GNPDA2: variants seen among roughly 807,000 people sequenced by gnomAD.
The protein encoded by GNPDA2 is glcN6P deaminase 2.
A neutral mutation model predicts 27.0 loss-of-function variants in GNPDA2; 24 were observed. The observed-to-expected ratio is 0.89, with a 90% CI of 0.64 to 1.25. The LOEUF (loss-of-function observed/expected upper bound fraction) is 1.25, where lower values mean the gene tolerates loss of function less well. Among genes scored for constraint, GNPDA2 ranks in the 50% most tolerant of loss-of-function variants. GNPDA2 has a pLI of 0.00. For missense variants in GNPDA2, 286 were observed against 335.1 expected (o/e 0.85, Z 1.14); for synonymous variants, 94 against 108.4 (o/e 0.87, Z 0.83).
intron 6 of GNPDA2, chr4:44,706,936 T>C (rs1217868539): frequency 6.6e-6 from 1 of 152,090 alleles, no homozygotes; most frequent in Non-Finnish European, 1.5e-5. Context: ...GACCTATCTA[T>C]ATGATCAACT....
intron 4 of GNPDA2, among the ~76,000 whole-genome samples, chr4:44,712,984 C>T (rs1577587886): frequency 6.6e-6 from 1 of 152,262 alleles, no homozygotes; most frequent in South Asian, 2.1e-4. Context: ...GTAGAATGTA[C>T]ATGCACTCTT....
At chr4:44,710,342 T>G (rs1716894508) in intron 5 of GNPDA2, among the ~76,000 whole-genome samples, 1 of 152,142 alleles carries the variant, frequency 6.6e-6, no homozygotes, top group Non-Finnish European at 1.5e-5. Context: ...TCCATATAAT[T>G]TAACTACATA....
At chr4:44,715,907 A>G (rs1252557172) in intron 4 of GNPDA2, among the ~76,000 whole-genome samples, 1 of 152,022 alleles carries the variant, frequency 6.6e-6, no homozygotes, top group Non-Finnish European at 1.5e-5. Context: ...TAAAAATCCC[A>G]AGGAATTCAG....
rs529850349 is a variant in GNPDA2, at chr4:44,712,818, A to C, written c.410-1681T>G. ...TCAAGGTATTTGCTTGTTGGCTATG[A>C]ATAACTGAGGTTCCTGATATAAAAT... On this transcript the variant is annotated intron_variant, in intron 4 of 6. Coordinates refer to ENST00000295448, the MANE Select transcript of GNPDA2 (RefSeq NM_138335.3). Among the ~76,000 whole-genome samples, 3 of 152,194 alleles carry C rather than the reference A, an allele frequency of 2.0e-5. No homozygotes were observed. The South Asian group carries it at 6.2e-4, about 32-fold the overall frequency.
chr4:44,714,888 G>T (rs1411209660), intron 4 of GNPDA2, among the ~76,000 whole-genome samples: 1 of 152,290 alleles, frequency 6.6e-6, no homozygotes, highest in East Asian at 1.9e-4. Context: ...GATCATCCAT[G>T]ACTACAGTGA....
Position 44,703,028 on chromosome 4 carries a change from T to A in GNPDA2, c.*53A>T. ...ATTGCATAGCTGAAAATTCATCTAC[T>A]ACTTAGTAAAAAGTGCTCTGTTCAT... On this transcript the variant is annotated 3_prime_UTR_variant, in exon 7 of 7. Coordinates refer to ENST00000295448, the MANE Select transcript of GNPDA2 (RefSeq NM_138335.3). 6.2e-7 allele frequency: 1 copy of A among 1,600,320 alleles called. No homozygotes were observed. The highest frequency in any genetic ancestry group is 8.5e-7 in the Non-Finnish European group (1 of 1,176,214).
intron 2 of GNPDA2, among the ~76,000 whole-genome samples, chr4:44,720,831 AC>A (rs1717617567): frequency 6.6e-6 from 1 of 152,042 alleles, no homozygotes; most frequent in African/African-American, 2.4e-5. Context: ...AGATCTAAAT[AC>A]ACAAAAAGAT....
At chr4:44,706,308 C>CTTT (rs35039782) in intron 6 of GNPDA2, 1 of 151,368 alleles carries the variant, frequency 6.6e-6, no homozygotes, top group East Asian at 1.9e-4. Flanking sequence ...TAGAAATAAT[C>CTTT]TAAGTGTTAA....
At position 44,718,373 on chromosome 4, in the gene GNPDA2, T is replaced by C; in HGVS notation, c.162A>G (p.Glu54=). The change falls in exon 3 of 7, where the codon GAA becomes GAG. Residue 54 remains glutamate (E), a synonymous_variant. Transcript: ENST00000295448. ...TPLGCYKKLI[E]YHKNGHLSFK... is the part of the protein sequence containing the mutation. ...AAGAAAGGTGTCCATTCTTATGATA[T>C]TCTATTAGTTTTTTATAGCATCCTA... 7.2e-7 allele frequency: 1 copy of C among 1,380,804 alleles called. No individual in the cohort carries two copies. The highest frequency in any genetic ancestry group is 1.3e-5 in the South Asian group (1 of 74,852). 85.5% of individuals were successfully genotyped at this position (1,380,804 alleles called of 1,614,324 possible). A position where few individuals can be genotyped will look rare whatever the true frequency, so the allele number is the denominator to read the frequency against.
intron 1 of GNPDA2, among the ~76,000 whole-genome samples, chr4:44,723,764 A>G (rs745868278): frequency 6.6e-6 from 1 of 152,172 alleles, no homozygotes; most frequent in Non-Finnish European, 1.5e-5. Flanking sequence ...GGAATGAAGC[A>G]GCGAAAGCAG....
chr4:44,704,478 CCTT>C, intron 6 of GNPDA2: 2 of 795,222 alleles, frequency 2.5e-6, no homozygotes, highest in Non-Finnish European at 3.0e-6. Context: ...AAATTCAACT[CCTT>C]TATAAAATTT....
chr4:44,709,185 T>G (rs1716811746), intron 5 of GNPDA2, among the ~76,000 whole-genome samples: 1 of 152,050 alleles, frequency 6.6e-6, no homozygotes, highest in Non-Finnish European at 1.5e-5. Flanking sequence ...AAACTTTTAT[T>G]GGTGAGAAAA....
intron 1 of GNPDA2, among the ~76,000 whole-genome samples, chr4:44,722,993 AAG>A (rs1482655452): frequency 6.6e-6 from 1 of 152,228 alleles, no homozygotes; most frequent in Non-Finnish European, 1.5e-5. Flanking sequence ...ACAGAAGAAA[AAG>A]AAAACAAAGT....
intron 4 of GNPDA2, among the ~76,000 whole-genome samples, chr4:44,711,756 T>TC (rs1716993944): frequency 6.6e-6 from 1 of 151,532 alleles, no homozygotes; most frequent in Non-Finnish European, 1.5e-5. Flanking sequence ...TTTTTTTTTT[T>TC]CAAACTTCTG....
At chr4:44,714,407 T>C (rs895712646) in intron 4 of GNPDA2, 23 of 985,304 alleles carry the variant, frequency 2.3e-5, no homozygotes, top group Non-Finnish European at 2.7e-5. Context: ...CATTTGAGTA[T>C]GTATTTCCTC....
In GNPDA2 at chr4:44,717,201, A is replaced by C; in HGVS notation, c.321T>G (p.Leu107=). 1 of 1,605,204 alleles carries C rather than the reference A, an allele frequency of 6.2e-7. No individual in the cohort carries two copies. Among genetic ancestry groups the C allele is most frequent in the Non-Finnish European group, 8.5e-7 (1 of 1,173,532 alleles). ...CTTGTAAATCTGCAGCATTCCCGTCAAGGATATGTGCATTATTAGGATCTA... is the reference window on the plus strand; with the variant it reads ...CTTGTAAATCTGCAGCATTCCCGTCCAGGATATGTGCATTATTAGGATCTA... ...IDIDPNNAHI[L]DGNAADLQAE... The change falls in exon 4 of 7, where the codon CTT becomes CTG. Residue 107 remains leucine, a synonymous_variant. Coordinates refer to ENST00000295448, the MANE Select transcript of GNPDA2 (RefSeq NM_138335.3).
intron 6 of GNPDA2, 30 bp downstream of exon 6, chr4:44,707,722 C>G: frequency 6.3e-7 from 1 of 1,589,652 alleles, no homozygotes; most frequent in East Asian, 2.2e-5. Flanking sequence ...AACAGATTAT[C>G]TCAGTCGGCT....
intron 4 of GNPDA2, among the ~76,000 whole-genome samples, chr4:44,715,064 T>C (rs1442857354): frequency 6.6e-6 from 1 of 152,084 alleles, no homozygotes; most frequent in African/African-American, 2.4e-5. Flanking sequence ...TTATGCAACA[T>C]CTATTTCAAA....
chr4:44,722,291 A>G, intron 1 of GNPDA2, 49 bp from the exon 2 acceptor site: 1 of 1,371,830 alleles, frequency 7.3e-7, no homozygotes, highest in Non-Finnish European at 9.9e-7. Context: ...CAGATAATTT[A>G]AATTCAGTAA....
Sources: allele counts gnomAD v4.1 joint callset (sites outside exome capture counted in the v4.1 genomes callset), GRCh38; gene constraint gnomAD v4.1.1; transcripts MANE v1.5; gene names NCBI Gene and HGNC (gene_info 2026-07-23, HGNC 2026-07-21).